Variants in MYRF observed in about 807,000 individuals in gnomAD.
MYRF encodes myelin regulatory factor.
A neutral mutation model predicts 126.3 loss-of-function variants in MYRF; 16 were observed. That is an observed-to-expected ratio of 0.13 (90% CI 0.09 to 0.19). MYRF has a LOEUF of 0.19. MYRF is among the 10% of genes least tolerant of loss of function. MYRF has a pLI of 1.00. For synonymous variants in MYRF, 608 were observed against 635.3 expected (o/e 0.96, Z 0.65); for missense variants, 1,104 against 1,547.0 (o/e 0.71, Z 4.80).
intron 5 of MYRF, 145 bp from the exon 6 acceptor site, chr11:61,771,355 G>T: frequency 8.8e-7 from 1 of 1,134,360 alleles, no homozygotes; most frequent in South Asian, 1.6e-5. Context: ...AGGAGGCAAA[G>T]CCTGAGGGCT....
At chr11:61,766,325 A>C (rs4963418) in intron 3 of MYRF, 104 bp downstream of exon 3, 1 of 1,295,582 alleles carries the variant, frequency 7.7e-7, no homozygotes, top group African/African-American at 1.5e-5. Flanking sequence ...CTGGCATGGG[A>C]TGGGCTGGGT....
In MYRF at chr11:61,765,681, G is replaced by A. The variant is rs2066034996; in HGVS notation, c.103G>A (p.Glu35Lys). 6.2e-7 allele frequency: 1 copy of A among 1,612,936 alleles called. No homozygotes were observed. The highest frequency in any genetic ancestry group is 1.3e-5 in the African/African-American group (1 of 74,886). Reference sequence around the variant, plus strand: ...CAACATAGACACCAGCATCCTGGAGGAGTACATCAGCAAGGAGGATGCCTC... The same window carrying A: ...CAACATAGACACCAGCATCCTGGAGAAGTACATCAGCAAGGAGGATGCCTC... The part of the protein sequence containing the change: ...PSNIDTSILE[E>K]YISKEDASDL... The change falls in exon 2 of 27, where the codon GAG becomes AAG. Residue 35 changes from glutamate to lysine, a missense_variant. By Grantham distance (56) the Glu-to-Lys change is moderately conservative. This residue lies in a region of MYRF where 368 missense variants were observed against 403.9 expected (regional missense o/e 0.91). Coordinates refer to ENST00000278836, the MANE Select transcript of MYRF (RefSeq NM_001127392.3).
intron 21 of MYRF, 69 bp downstream of exon 21, chr11:61,781,398 A>G (rs2066542850): frequency 1.3e-6 from 2 of 1,576,784 alleles, no homozygotes; most frequent in Non-Finnish European, 1.7e-6. Context: ...CCAAATACTC[A>G]TTGGTGGGAG....
chr11:61,761,714 A>G (rs1026646148), intron 1 of MYRF, among the ~76,000 whole-genome samples: 1 of 152,260 alleles, frequency 6.6e-6, no homozygotes, highest in Non-Finnish European at 1.5e-5. Flanking sequence ...GAGAGACAGA[A>G]CAGGGCAGCG....
chr11:61,766,629 C>A lies in MYRF; in HGVS notation c.398+408C>A, dbSNP rs189350787. The A allele has an allele frequency of 2.0e-4, 49 of 245,744 alleles. No homozygotes were observed. The Middle Eastern group carries it at 4.5e-3, about 22-fold the overall frequency. 15.2% of individuals were successfully genotyped at this position (245,744 alleles called of 1,614,324 possible). On this transcript the variant is annotated intron_variant, in intron 3 of 26. Coordinates refer to ENST00000278836, the MANE Select transcript of MYRF (RefSeq NM_001127392.3). ...GTGTACTGTGGCCACAGGAGCTGGC[C>A]CATGGCTCAGATGTGGCACCTCAGT...
In MYRF at chr11:61,766,053, C is replaced by A; in HGVS notation, c.230C>A (p.Pro77His). ...TCCAGCGGGGTCCACCACCTGAGCC[C>A]CCCTGGGGGTGGACCCTCCCCGGGG... is the stretch of plus-strand genomic sequence containing the variant. ...PGSSGVHHLS[P>H]PGGGPSPGRH... is the part of the protein sequence containing the mutation. The change falls in exon 3 of 27, where the codon CCC (proline) becomes CAC (histidine). Residue 77 changes from proline (P) to histidine (H), a missense_variant. Pro to His is a moderately conservative substitution (Grantham distance 77). Transcript: ENST00000278836. The A allele has an allele frequency of 3.1e-6, 5 of 1,602,838 alleles. No individual in the cohort carries two copies. Among genetic ancestry groups the A allele is most frequent in the Non-Finnish European group, 4.2e-6 (5 of 1,177,258 alleles).
intron 21 of MYRF, 24 bp from the exon 22 acceptor site, chr11:61,781,549 G>A: frequency 1.2e-6 from 2 of 1,606,166 alleles, no homozygotes; most frequent in Non-Finnish European, 1.7e-6. Flanking sequence ...CAGCTTCTTA[G>A]CCTGTGCCTG....
Position 61,776,674 on chromosome 11 carries a change from C to A in MYRF, c.1500-113C>A. 2.2e-6 allele frequency: 2 copies of A among 900,792 alleles called. No individual in the cohort carries two copies. Among genetic ancestry groups the A allele is most frequent in the South Asian group, 1.8e-5 (1 of 57,082 alleles). The allele number at this position is 900,792 out of a possible 1,614,324, so 55.8% of individuals were successfully genotyped here. On this transcript the variant is annotated intron_variant, in intron 10 of 26. Coordinates refer to ENST00000278836, the MANE Select transcript of MYRF (RefSeq NM_001127392.3). This position sits in a 1 kb window ranked among gnomAD's most constrained non-coding sequence, Gnocchi z 4.3. ...GAATTTCTGCCCCCTGGTGGAGGCTCGGGTTCCTCCTCTGTAGGAGGGGGT... is the reference window on the plus strand; with the variant it reads ...GAATTTCTGCCCCCTGGTGGAGGCTAGGGTTCCTCCTCTGTAGGAGGGGGT...
intron 4 of MYRF, 128 bp from the exon 5 acceptor site, chr11:61,770,118 G>C: frequency 1.1e-6 from 1 of 944,376 alleles, no homozygotes; most frequent in East Asian, 2.9e-5. Flanking sequence ...ACCTAGGGTA[G>C]GTGGGGGGCA....
At chr11:61,784,664 G>T (rs2066646437) in intron 25 of MYRF, 1 of 375,496 alleles carries the variant, frequency 2.7e-6, no homozygotes, top group Non-Finnish European at 4.9e-6. Flanking sequence ...TGCAATGATG[G>T]AAACAGGCAG....
chr11:61,772,680 C>T (rs1591108253), intron 7 of MYRF, among the ~76,000 whole-genome samples: 1 of 152,356 alleles, frequency 6.6e-6, no homozygotes, highest in East Asian at 1.9e-4. Flanking sequence ...GAGGAAACCC[C>T]TTACTCTTAC....
At chr11:61,763,021 C>A (rs2065942709) in intron 1 of MYRF, among the ~76,000 whole-genome samples, 1 of 152,124 alleles carries the variant, frequency 6.6e-6, no homozygotes, top group Non-Finnish European at 1.5e-5. Context: ...TAGGAGTGCT[C>A]CTGGCCAGGA....
At position 61,777,516 on chromosome 11, in the gene MYRF, C is replaced by CGGG; in HGVS notation, c.1791+55_1791+57dup. 2.1e-6 allele frequency: 1 copy of CGGG among 480,356 alleles called. No homozygotes were observed. Among genetic ancestry groups the CGGG allele is most frequent in the Admixed American group, 4.8e-5 (1 of 20,952 alleles). The allele number at this position is 480,356 out of a possible 1,614,324, so 29.8% of individuals were successfully genotyped here. A position where few individuals can be genotyped will look rare whatever the true frequency, so the allele number is the denominator to read the frequency against. On this transcript the variant is annotated intron_variant, in intron 12 of 26. Transcript: ENST00000278836. The surrounding 1 kb of genome is among the most constrained non-coding windows in gnomAD (Gnocchi z 8.8). ...CGGGTCCAGACGCTGGAGCGGGCCG[C>CGGG]GGGGGCGGGGCTCCTGGGGAGGGGG...
In MYRF at chr11:61,776,738, G is replaced by A; in HGVS notation, c.1500-49G>A. The A allele has an allele frequency of 6.9e-7, 1 of 1,442,472 alleles. No individual in the cohort carries two copies. The highest frequency in any genetic ancestry group is 9.5e-7 in the Non-Finnish European group (1 of 1,057,118). The allele number at this position is 1,442,472 out of a possible 1,614,324, so 89.4% of individuals were successfully genotyped here. On this transcript the variant is annotated intron_variant, in intron 10 of 26. Transcript: ENST00000278836. This position sits in a 1 kb window ranked among gnomAD's most constrained non-coding sequence, Gnocchi z 4.3. The stretch of plus-strand genomic sequence containing the variant: ...ATCTGGCCAGGGAAAGGGTGGCCCT[G>A]GGGGCGGGGGCAGGCCATGAGTACT...
Position 61,774,132 on chromosome 11 carries a change from C to T in MYRF, c.1281C>T (p.Asp427=). 1.9e-6 allele frequency: 3 copies of T among 1,612,484 alleles called. No individual in the cohort carries two copies. Among genetic ancestry groups the T allele is most frequent in the East Asian group, 2.2e-5 (1 of 44,852 alleles). Residue 427 remains aspartate, a synonymous_variant, in exon 8 of 27, where the codon GAC becomes GAT. Transcript: ENST00000278836. ...VKTPEGLKPL[D]CFYLKLHGVK... is the part of the protein sequence containing the mutation. The stretch of plus-strand genomic sequence containing the variant: ...CGCCCGAGGGCCTCAAGCCCCTCGA[C>T]TGCTTCTATCTGAAGCTGCACGGAG...
Position 61,777,699 on chromosome 11 carries a change from A to G in MYRF, c.1792-35A>G, listed in dbSNP as rs769624060. The stretch of plus-strand genomic sequence containing the variant: ...CCGGGGCCTGCTCCGGGACGGCCGC[A>G]GGAGGGGTTCATTCCCGGGCCTGGC... On this transcript the variant is annotated intron_variant, in intron 12 of 26. Coordinates refer to ENST00000278836, the MANE Select transcript of MYRF (RefSeq NM_001127392.3). This position sits in a 1 kb window ranked among gnomAD's most constrained non-coding sequence, Gnocchi z 8.8. 1 of 1,537,310 alleles carries G rather than the reference A, an allele frequency of 6.5e-7. No individual in the cohort carries two copies. The highest frequency in any genetic ancestry group is 1.2e-5 in the South Asian group (1 of 83,606).
At position 61,786,334 on chromosome 11, in the gene MYRF, A is replaced by G; in HGVS notation, c.*191A>G. The G allele has an allele frequency of 3.2e-6, 2 of 621,858 alleles. No homozygotes were observed. Among genetic ancestry groups the G allele is most frequent in the South Asian group, 3.9e-5 (2 of 51,782 alleles). 38.5% of individuals were successfully genotyped at this position (621,858 alleles called of 1,614,324 possible). On this transcript the variant is annotated 3_prime_UTR_variant, in exon 27 of 27. Coordinates refer to ENST00000278836, the MANE Select transcript of MYRF (RefSeq NM_001127392.3). This position sits in a 1 kb window ranked among gnomAD's most constrained non-coding sequence, Gnocchi z 4.5. The stretch of plus-strand genomic sequence containing the variant: ...TCCAGCTGGTCGCCCCTCACGGCAC[A>G]GAGGGAACCTGAGAGCCAGAGACTT...
Position 61,781,622 on chromosome 11 carries a change from C to T in MYRF, c.2814C>T (p.Ser938=). 1 of 1,613,936 alleles carries T rather than the reference C, an allele frequency of 6.2e-7. No homozygotes were observed. Among genetic ancestry groups the T allele is most frequent in the Non-Finnish European group, 8.5e-7 (1 of 1,180,020 alleles). Residue 938 remains serine (S), a synonymous_variant, in exon 22 of 27, where the codon TCC becomes TCT. Transcript: ENST00000278836. ...LLPVTNIRAK[S]WGLSVNGIGH... ...CAGTCACCAACATCAGAGCCAAGTC[C>T]TGGGGTCTTTCAGTCAATGGCATTG...
chr11:61,776,009 A>G lies in MYRF; in HGVS notation c.1312-47A>G. On this transcript the variant is annotated intron_variant, in intron 8 of 26. Transcript: ENST00000278836. This position sits in a 1 kb window ranked among gnomAD's most constrained non-coding sequence, Gnocchi z 4.3. ...TGAGAGGGGGCAGGAGGGCAGGACCAGCCGGGTAGCCCCATCCTGAGGTGC... is the reference window on the plus strand; with the variant it reads ...TGAGAGGGGGCAGGAGGGCAGGACCGGCCGGGTAGCCCCATCCTGAGGTGC... 6.3e-7 allele frequency: 1 copy of G among 1,591,132 alleles called. No homozygotes were observed. The highest frequency in any genetic ancestry group is 8.6e-7 in the Non-Finnish European group (1 of 1,159,656).
Sources: gnomAD v4.1 joint callset for allele counts (sites outside exome capture counted in the v4.1 genomes callset) on GRCh38, gnomAD v4.1.1 for gene constraint, gnomAD v4.1.1 regional missense constraint, Gnocchi (gnomAD v3.1) non-coding constraint, MANE v1.5 for transcripts, NCBI Gene and HGNC (gene_info 2026-07-23, HGNC 2026-07-21) for gene names.